NUDCD1: variants seen among roughly 807,000 people sequenced by gnomAD.
NUDCD1 encodes NudC domain containing 1.
In NUDCD1, 60 loss-of-function variants were observed where a neutral mutation model predicts 67.8. The ratio of observed to expected loss-of-function variants is 0.88; its 90% CI spans 0.72 to 1.10. NUDCD1 has a LOEUF of 1.10. Among genes scored for constraint, NUDCD1 ranks in the 50% least tolerant of loss-of-function variants. The pLI is 0.00. For missense variants in NUDCD1, 643 were observed against 695.0 expected (o/e 0.93, Z 0.84); for synonymous variants, 244 against 230.8 (o/e 1.06, Z -0.52).
At chr8:109,243,662 C>T (rs886578559) in intron 9 of NUDCD1, among the ~76,000 whole-genome samples, 8 of 152,120 alleles carry the variant, frequency 5.3e-5, no homozygotes, top group African/African-American at 9.7e-5. Flanking sequence ...TATTTAGCTT[C>T]GTGAGTTACG....
At chr8:109,287,739 C>T (rs866419330) in intron 5 of NUDCD1, among the ~76,000 whole-genome samples, 1 of 151,998 alleles carries the variant, frequency 6.6e-6, no homozygotes, top group East Asian at 1.9e-4. Flanking sequence ...TGCAATACAA[C>T]CAGGTAAAAG....
intron 6 of NUDCD1, among the ~76,000 whole-genome samples, chr8:109,279,146 T>C (rs934452604): frequency 4.6e-5 from 7 of 152,206 alleles, no homozygotes; most frequent in Admixed American, 1.3e-4. Flanking sequence ...AGGAGTAGAA[T>C]TGTTAAGATT....
At chr8:109,307,287 C>A (rs1333943595) in intron 2 of NUDCD1, among the ~76,000 whole-genome samples, 2 of 152,222 alleles carry the variant, frequency 1.3e-5, no homozygotes, top group African/African-American at 4.8e-5. Flanking sequence ...TCTCTATGCC[C>A]TTAAGAATGT....
chr8:109,319,833 C>T (rs1352921371), intron 2 of NUDCD1, among the ~76,000 whole-genome samples: 1 of 152,168 alleles, frequency 6.6e-6, no homozygotes, highest in Non-Finnish European at 1.5e-5. Context: ...AGGTTCTTTT[C>T]TATTTTCCCT....
chr8:109,316,243 C>T (rs1586305383), intron 2 of NUDCD1: 1 of 152,250 alleles, frequency 6.6e-6, no homozygotes. Context: ...CACTTCTTTC[C>T]GAGGGACATT....
rs1813375864 is a variant in NUDCD1 at position 109,241,959 on chromosome 8, T to C, written c.*1050A>G. 17 of 396,586 alleles carry C rather than the reference T, an allele frequency of 4.3e-5. No homozygotes were observed. In the East Asian group the frequency reaches 6.1e-4, roughly 14 times the overall value. The allele number at this position is 396,586 out of a possible 1,614,324, so 24.6% of individuals were successfully genotyped here. ...CTAAAACAAACCTGGAAAGGTAAGTTTGAAAAAACAAAATTTGTGGCAAGA... is the reference window on the plus strand; with the variant it reads ...CTAAAACAAACCTGGAAAGGTAAGTCTGAAAAAACAAAATTTGTGGCAAGA... On this transcript the variant is annotated 3_prime_UTR_variant, in exon 10 of 10. Transcript: ENST00000239690.
chr8:109,247,571 A>C (rs1381023443), intron 8 of NUDCD1, among the ~76,000 whole-genome samples: 1 of 152,202 alleles, frequency 6.6e-6, no homozygotes, highest in Non-Finnish European at 1.5e-5. Context: ...TACCTTACGC[A>C]TATTTCCATT....
intron 8 of NUDCD1, among the ~76,000 whole-genome samples, chr8:109,247,674 T>A (rs1261901957): frequency 2.0e-5 from 3 of 151,890 alleles, no homozygotes; most frequent in Non-Finnish European, 2.9e-5. Context: ...CTGTTTGGAC[T>A]CCTTGTATTT....
At chr8:109,325,971 C>A (rs1054195484) in intron 1 of NUDCD1, among the ~76,000 whole-genome samples, 2 of 152,184 alleles carry the variant, frequency 1.3e-5, no homozygotes, top group Admixed American at 6.5e-5. Flanking sequence ...AAACATATAA[C>A]ACCACTTATT....
chr8:109,281,409 A>T (rs7013864), intron 5 of NUDCD1, among the ~76,000 whole-genome samples: 3,693 of 152,190 alleles, frequency 0.024, 139 homozygotes, highest in African/African-American at 0.084. Context: ...GCACTCATAA[A>T]ATACTAATGA....
chr8:109,283,545 G>C (rs1412689714), intron 5 of NUDCD1, among the ~76,000 whole-genome samples: 1 of 152,136 alleles, frequency 6.6e-6, no homozygotes. Context: ...AAAGAAAAGA[G>C]ATTACATAGG....
At chr8:109,279,916 G>A (rs1265342239) in intron 6 of NUDCD1, among the ~76,000 whole-genome samples, 1 of 152,212 alleles carries the variant, frequency 6.6e-6, no homozygotes, top group African/African-American at 2.4e-5. Context: ...ACAGGCATGA[G>A]CCACTGTGCC....
At chr8:109,289,706 A>ATGT in intron 5 of NUDCD1, 45 bp downstream of exon 5, 1 of 977,232 alleles carries the variant, frequency 1.0e-6, no homozygotes. Context: ...ACATAAATAT[A>ATGT]TGTTTATGAA....
chr8:109,295,768 T>C (rs897774555), intron 3 of NUDCD1, among the ~76,000 whole-genome samples: 2 of 152,168 alleles, frequency 1.3e-5, no homozygotes, highest in Admixed American at 1.3e-4. Context: ...AGCAGTAAAC[T>C]AAATCTTTTG....
rs1814751005 is a variant in NUDCD1 at position 109,293,245 on chromosome 8, C to A, written c.640+99G>T. The A allele has an allele frequency of 6.7e-6, 4 of 599,720 alleles. No homozygotes were observed. The South Asian group carries it at 1.2e-4, about 18-fold the overall frequency. 37.1% of individuals were successfully genotyped at this position (599,720 alleles called of 1,614,324 possible). On this transcript the variant is annotated intron_variant, in intron 4 of 9. Coordinates refer to ENST00000239690, the MANE Select transcript of NUDCD1 (RefSeq NM_032869.4). ...CAGGTGCCAGAATTGTAACACAATG[C>A]CCAAGAAAGAGCAAACAGTATTTAC...
intron 2 of NUDCD1, among the ~76,000 whole-genome samples, chr8:109,303,175 A>G (rs1284421540): frequency 6.6e-6 from 1 of 152,188 alleles, no homozygotes; most frequent in Non-Finnish European, 1.5e-5. Context: ...CCCACTGGAA[A>G]TCGGACTGTC....
intron 9 of NUDCD1, among the ~76,000 whole-genome samples, chr8:109,243,871 TG>T (rs1388984238): frequency 6.6e-6 from 1 of 152,184 alleles, no homozygotes; most frequent in Non-Finnish European, 1.5e-5. Context: ...TGGATTTTTT[TG>T]TACTTTTAGC....
chr8:109,281,317 T>C (rs112277345), intron 5 of NUDCD1, 145 bp from the exon 6 acceptor site: 309 of 543,692 alleles, frequency 5.7e-4, no homozygotes, highest in Middle Eastern at 8.9e-4. Flanking sequence ...CAGATCTCTT[T>C]GAGGAATTTT....
intron 2 of NUDCD1, among the ~76,000 whole-genome samples, chr8:109,308,762 G>A (rs1194385629): frequency 6.6e-6 from 1 of 152,026 alleles, no homozygotes; most frequent in Non-Finnish European, 1.5e-5. Context: ...ACGAGGTCAG[G>A]AGATCGAGAC....
Sources: allele counts gnomAD v4.1 joint callset (sites outside exome capture counted in the v4.1 genomes callset), GRCh38; gene constraint gnomAD v4.1.1; transcripts MANE v1.5; gene names NCBI Gene and HGNC (gene_info 2026-07-23, HGNC 2026-07-21).